Variants in TWIST2 observed in about 807,000 individuals in gnomAD.
The protein encoded by TWIST2 is twist family bHLH transcription factor 2.
A neutral mutation model predicts 11.6 loss-of-function variants in TWIST2; 1 was observed. The ratio of observed to expected loss-of-function variants is 0.09; its 90% confidence interval spans 0.03 to 0.41. The LOEUF (loss-of-function observed/expected upper bound fraction) is 0.41. Among genes scored for constraint, TWIST2 ranks in the 10% least tolerant of loss-of-function variants. TWIST2 has a pLI of 0.98. For synonymous variants in TWIST2, 87 were observed against 96.6 expected (o/e 0.90, Z 0.58); for missense variants, 168 against 226.4 (o/e 0.74, Z 1.66).
At chr2:238,906,322 A>C (rs1693354023) in intron 1 of TWIST2, among the ~76,000 whole-genome samples, 1 of 151,764 alleles carries the variant, frequency 6.6e-6, no homozygotes, top group Non-Finnish European at 1.5e-5. Context: ...ACTCAGGAGG[A>C]TGTACATGCT....
At chr2:238,899,162 C>T (rs896572105) in intron 1 of TWIST2, among the ~76,000 whole-genome samples, 7 of 152,244 alleles carry the variant, frequency 4.6e-5, no homozygotes, top group Non-Finnish European at 7.3e-5. Flanking sequence ...GCCACGGGAG[C>T]CACCTGCTTG....
chr2:238,875,022 G>A (rs1692778516), intron 1 of TWIST2, among the ~76,000 whole-genome samples: 1 of 152,188 alleles, frequency 6.6e-6, no homozygotes. Flanking sequence ...AAGCTGGCTG[G>A]AGGGTTTGGA....
chr2:238,880,999 TATTAGC>T (rs1432673754), intron 1 of TWIST2, among the ~76,000 whole-genome samples: 9 of 92,328 alleles, frequency 9.7e-5, no homozygotes, highest in African/African-American at 3.8e-4. Context: ...TGGTAATATT[TATTAGC>T]ATTAGTGTTA....
rs1044927096 is a variant in TWIST2, at chr2:238,866,485, C to G, written c.*35+17752C>G. 6.6e-6 allele frequency among the ~76,000 whole-genome samples: 1 copy of G among 152,142 alleles called. No homozygotes were observed. The highest frequency in any genetic ancestry group is 1.9e-4 in the East Asian group (1 of 5,182). On this transcript the variant is annotated intron_variant, in intron 1 of 1. Transcript: ENST00000612363. The surrounding 1 kb of genome is among the most constrained non-coding windows in gnomAD (Gnocchi z 4.9). ...CAGCCTGGCCAACATGGTGAAACCC[C>G]GTCTCTGCCAAAAATAGAAAAATTA... is the stretch of plus-strand genomic sequence containing the variant.
intron 1 of TWIST2, among the ~76,000 whole-genome samples, chr2:238,888,544 T>G (rs562380830): frequency 3.9e-5 from 6 of 152,206 alleles, no homozygotes; most frequent in Non-Finnish European, 8.8e-5. Context: ...TCATGGGGTC[T>G]GTATTAGAAA....
At chr2:238,887,567 G>A (rs1419357694) in intron 1 of TWIST2, among the ~76,000 whole-genome samples, 1 of 152,196 alleles carries the variant, frequency 6.6e-6, no homozygotes, top group Admixed American at 6.5e-5. Context: ...TGGTCCTCTG[G>A]AAAGTCGACT....
At chr2:238,869,117 G>A (rs748367670) in intron 1 of TWIST2, among the ~76,000 whole-genome samples, 11 of 152,188 alleles carry the variant, frequency 7.2e-5, no homozygotes, top group East Asian at 1.9e-4. Flanking sequence ...GAAAGGCATC[G>A]ACTCCTGCAA....
At chr2:238,885,325 C>T (rs895839581) in intron 1 of TWIST2, among the ~76,000 whole-genome samples, 3 of 152,244 alleles carry the variant, frequency 2.0e-5, no homozygotes, top group African/African-American at 7.2e-5. Context: ...TGCTGCCCGA[C>T]TCAGCTTGCT....
At chr2:238,885,211 C>T (rs749877704) in intron 1 of TWIST2, among the ~76,000 whole-genome samples, 2 of 152,088 alleles carry the variant, frequency 1.3e-5, no homozygotes, top group South Asian at 2.1e-4. Flanking sequence ...CCCTGATTCC[C>T]GCCCTGCCTC....
chr2:238,877,540 A>G (rs1692829043), intron 1 of TWIST2, among the ~76,000 whole-genome samples: 1 of 151,922 alleles, frequency 6.6e-6, no homozygotes, highest in South Asian at 2.1e-4. Context: ...GCAATAAGCA[A>G]TTCAATCACA....
rs1329511276 is a variant in TWIST2, at chr2:238,902,868, G to T, written c.*36-6974G>T. On this transcript the variant is annotated intron_variant, in intron 1 of 1. Transcript: ENST00000612363. Reference sequence around the variant, plus strand: ...TGTGGGGTGTGTGATGGGTATGTGCGTGATGTGAGGGGTGTGTGATGTGGG... The same window carrying T: ...TGTGGGGTGTGTGATGGGTATGTGCTTGATGTGAGGGGTGTGTGATGTGGG... 8.4e-5 allele frequency among the ~76,000 whole-genome samples: 11 copies of T among 131,640 alleles called. No homozygotes were observed. The South Asian group carries it at 2.9e-3, about 34-fold the overall frequency. The allele number at this position is 131,640 out of a possible 152,430, so 86.4% of individuals were successfully genotyped here.
rs761599927 is a variant in TWIST2, at chr2:238,867,407, A to ACACACACACACACACACACACACACC, written c.*35+18679_*35+18680insACACACACACACACACACACCCACAC. On this transcript the variant is annotated intron_variant, in intron 1 of 1. Coordinates refer to ENST00000612363, the MANE Select transcript of TWIST2 (RefSeq NM_001271893.4). This position sits in a 1 kb window ranked among gnomAD's most constrained non-coding sequence, Gnocchi z 4.8. The stretch of plus-strand genomic sequence containing the variant: ...CACACACACACACACACACACACAC[A>ACACACACACACACACACACACACACC]CACACTCCTCAGTAAAATACCCAGT... Among the ~76,000 whole-genome samples the ACACACACACACACACACACACACACC allele has an allele frequency of 6.6e-6, 1 of 151,024 alleles. No homozygotes were observed. The highest frequency in any genetic ancestry group is 1.5e-5 in the Non-Finnish European group (1 of 67,754).
chr2:238,907,146 G>T (rs1574770165), intron 1 of TWIST2, among the ~76,000 whole-genome samples: 2 of 152,210 alleles, frequency 1.3e-5, no homozygotes, highest in Admixed American at 1.3e-4. Context: ...TGTGGCAGAA[G>T]CGGCCCTGAG....
At position 238,866,257 on chromosome 2, in the gene TWIST2, C is replaced by CA. The variant is rs1212036159; in HGVS notation, c.*35+17525dup. On this transcript the variant is annotated intron_variant, in intron 1 of 1. Coordinates refer to ENST00000612363, the MANE Select transcript of TWIST2 (RefSeq NM_001271893.4). This position sits in a 1 kb window ranked among gnomAD's most constrained non-coding sequence, Gnocchi z 4.9. The stretch of plus-strand genomic sequence containing the variant: ...TGGGCACCCTCCATGGCGAGCTCCC[C>CA]AGGCCAGGAGCATGTCTGTCCTTTT... Among the ~76,000 whole-genome samples the CA allele has an allele frequency of 1.3e-5, 2 of 152,230 alleles. No homozygotes were observed. The highest frequency in any genetic ancestry group is 1.3e-4 in the Admixed American group (2 of 15,284).
chr2:238,898,960 C>A (rs1043719951), intron 1 of TWIST2, among the ~76,000 whole-genome samples: 1 of 152,266 alleles, frequency 6.6e-6, no homozygotes, highest in African/African-American at 2.4e-5. Context: ...GACAATGTGA[C>A]CGATGACTGC....
At chr2:238,900,940 A>ATT (rs1278619168) in intron 1 of TWIST2, among the ~76,000 whole-genome samples, 1 of 145,554 alleles carries the variant, frequency 6.9e-6, no homozygotes, top group African/African-American at 2.6e-5. Context: ...TTCCTCTGCC[A>ATT]TTTTTTCTGA....
intron 1 of TWIST2, among the ~76,000 whole-genome samples, chr2:238,852,135 T>A (rs1440793541): frequency 1.3e-5 from 2 of 151,684 alleles, no homozygotes; most frequent in Non-Finnish European, 2.9e-5. Context: ...CAAAAAAATT[T>A]AAAAAAAGAA....
chr2:238,864,350 C>T lies in TWIST2; in HGVS notation c.*35+15617C>T. On this transcript the variant is annotated intron_variant, in intron 1 of 1. Transcript: ENST00000612363. This position sits in a 1 kb window ranked among gnomAD's most constrained non-coding sequence, Gnocchi z 4.7. ...AGACATAAAGAAACCAAGAGGTTAA[C>T]TGCCAGGGTTAGTCCCCTCCGCGGG... Among the ~76,000 whole-genome samples the T allele has an allele frequency of 6.6e-6, 1 of 152,260 alleles. No individual in the cohort carries two copies. Among genetic ancestry groups the T allele is most frequent in the East Asian group, 1.9e-4 (1 of 5,200 alleles).
intron 1 of TWIST2, among the ~76,000 whole-genome samples, chr2:238,891,254 G>A (rs542939582): frequency 3.9e-5 from 6 of 152,288 alleles, no homozygotes; most frequent in East Asian, 1.9e-4. Flanking sequence ...TGACCCTATC[G>A]GGAGCATTCG....
Sources: allele counts gnomAD v4.1 joint callset (sites outside exome capture counted in the v4.1 genomes callset), GRCh38; gene constraint gnomAD v4.1.1; non-coding constraint Gnocchi (gnomAD v3.1); transcripts MANE v1.5; gene names NCBI Gene and HGNC (gene_info 2026-07-23, HGNC 2026-07-21).